Variants in GFI1B observed in about 807,000 individuals in gnomAD.
GFI1B encodes the protein zinc finger protein Gfi-1b.
In GFI1B, 20 loss-of-function variants were observed where a neutral mutation model predicts 35.3. The observed-to-expected ratio is 0.57, with a 90% CI of 0.40 to 0.82. The LOEUF is 0.82. Among genes scored for constraint, GFI1B ranks in the 40% least tolerant of loss-of-function variants. The pLI, the probability that GFI1B is intolerant of heterozygous loss-of-function variation, is 0.00. For synonymous variants in GFI1B, 178 were observed against 177.6 expected (o/e 1.00, Z -0.02); for missense variants, 430 against 446.3 (o/e 0.96, Z 0.33).
rs111534936 is a variant in GFI1B at position 132,981,776 on chromosome 9, A to G, written c.-21+2935A>G. Among the ~76,000 whole-genome samples, 1,463 of 150,964 alleles carry G rather than the reference A, an allele frequency of 9.7e-3. 26 individuals carry two copies. Among genetic ancestry groups the G allele is most frequent in the African/African-American group, 0.033 (1,338 of 41,042 alleles). On this transcript the variant is annotated intron_variant, in intron 1 of 6. Coordinates refer to ENST00000372122, the MANE Select transcript of GFI1B (RefSeq NM_001377304.1). Reference sequence around the variant, plus strand: ...CCCTTGAATCTTTTTTTTTTTTGACAGAGTCTCGCTGTGTCACCCAGGCTG... The same window carrying G: ...CCCTTGAATCTTTTTTTTTTTTGACGGAGTCTCGCTGTGTCACCCAGGCTG...
At position 132,979,458 on chromosome 9, in the gene GFI1B, C is replaced by T. The variant is rs1044015126; in HGVS notation, c.-21+617C>T. Reference sequence around the variant, plus strand: ...TTCACCATGTTGGCCAGGCTGGTCTCGAACTCTTGACCTCAAACGATCCAC... The same window carrying T: ...TTCACCATGTTGGCCAGGCTGGTCTTGAACTCTTGACCTCAAACGATCCAC... On this transcript the variant is annotated intron_variant, in intron 1 of 6. Transcript: ENST00000372122. 3.3e-5 allele frequency among the ~76,000 whole-genome samples: 5 copies of T among 152,146 alleles called. No homozygotes were observed. In the South Asian group the frequency reaches 8.3e-4, roughly 25 times the overall value.
downstream of GFI1B, among the ~76,000 whole-genome samples, chr9:132,992,282 CCATCT>C (rs1315329697): frequency 6.6e-6 from 1 of 152,132 alleles, no homozygotes; most frequent in Non-Finnish European, 1.5e-5. Flanking sequence ...ATAAATCATC[CCATCT>C]CAAGATCCTG....
At chr9:132,968,096 T>C (rs2132605725) in intron 1 of GFI1B, among the ~76,000 whole-genome samples, 1 of 148,636 alleles carries the variant, frequency 6.7e-6, no homozygotes, top group South Asian at 2.2e-4. Context: ...TTTTATTTAT[T>C]TATTTATTTA....
intron 1 of GFI1B, among the ~76,000 whole-genome samples, chr9:132,968,769 G>A (rs1244597149): frequency 6.6e-6 from 1 of 152,156 alleles, no homozygotes; most frequent in Admixed American, 6.5e-5. Context: ...CAGAGGCATG[G>A]AGGTTTTGTG....
intron 1 of GFI1B, among the ~76,000 whole-genome samples, chr9:132,960,419 T>C (rs555359630): frequency 6.6e-6 from 1 of 152,164 alleles, no homozygotes; most frequent in Non-Finnish European, 1.5e-5. Flanking sequence ...TGGAAGTTTG[T>C]GAGTTCAGGA....
At chr9:132,971,341 A>C (rs1265435254) in intron 1 of GFI1B, among the ~76,000 whole-genome samples, 1 of 151,818 alleles carries the variant, frequency 6.6e-6, no homozygotes, top group Non-Finnish European at 1.5e-5. Flanking sequence ...TGTCCCCCCC[A>C]CACTCCTTCC....
chr9:132,982,463 C>T (rs1301487006), intron 1 of GFI1B, among the ~76,000 whole-genome samples: 1 of 152,184 alleles, frequency 6.6e-6, no homozygotes, highest in Non-Finnish European at 1.5e-5. Context: ...TCAAGAAGCA[C>T]TGACTGAGAT....
At chr9:132,987,224 C>T in intron 2 of GFI1B, 58 bp from the exon 3 acceptor site, 1 of 1,579,152 alleles carries the variant, frequency 6.3e-7, no homozygotes, top group East Asian at 2.3e-5. Context: ...CCTCCTTGCT[C>T]CCTCTGGGCT....
Position 132,962,066 on chromosome 9 carries a change from C to CTA in GFI1B, c.-700-10658_-700-10657dup, listed in dbSNP as rs1848373677. Among the ~76,000 whole-genome samples, 3 of 48,006 alleles carry CTA rather than the reference C, an allele frequency of 6.2e-5. No homozygotes were observed. The South Asian group carries it at 1.8e-3, about 29-fold the overall frequency. The allele number at this position is 48,006 out of a possible 152,430, so 31.5% of individuals were successfully genotyped here. The stretch of plus-strand genomic sequence containing the variant: ...TGCATCTTCCCTACACACCTACACT[C>CTA]TACACACACACACACACACACACAC... On this transcript the variant is annotated intron_variant, in intron 1 of 10. Transcript: ENST00000339463.
At chr9:132,973,139 G>A (rs758694041) in intron 2 of GFI1B, among the ~76,000 whole-genome samples, 2 of 152,250 alleles carry the variant, frequency 1.3e-5, no homozygotes, top group Non-Finnish European at 2.9e-5. Flanking sequence ...CCCATTCCCA[G>A]GACTGTTGGG....
intron 3 of GFI1B, 24 bp from the exon 4 acceptor site, chr9:132,988,173 A>C: frequency 3.7e-6 from 6 of 1,611,404 alleles, no homozygotes; most frequent in Non-Finnish European, 5.1e-6. Flanking sequence ...ATGAGTAACC[A>C]GGCCTGTGTC....
intron 1 of GFI1B, among the ~76,000 whole-genome samples, chr9:132,965,424 G>A (rs1362544365): frequency 2.0e-5 from 3 of 152,256 alleles, no homozygotes; most frequent in Non-Finnish European, 4.4e-5. Context: ...ACCGTAGTGG[G>A]TTGAATAGTG....
chr9:132,989,160 G>A lies in GFI1B; in HGVS notation c.610G>A (p.Ala204Thr), dbSNP rs62638686. Residue 204 changes from alanine to threonine, a missense_variant, in exon 5 of 7, where the codon GCT (alanine) becomes ACT (threonine). Transcript: ENST00000372122. This position sits in a 1 kb window ranked among gnomAD's most constrained non-coding sequence, Gnocchi z 6.2. The stretch of plus-strand genomic sequence containing the variant: ...CATCTGCGGCAAAACCTTCGGCCAC[G>A]CTGTGAGCCTGGAGCAGCACACGCA... ...CDICGKTFGH[A>T]VSLEQHTHVH... 4,246 of 1,613,816 alleles carry A rather than the reference G, an allele frequency of 2.6e-3. 122 individuals are homozygous for A. The African/African-American group carries it at 0.05, about 19-fold the overall frequency.
chr9:132,963,426 G>A (rs1031089277), intron 1 of GFI1B, among the ~76,000 whole-genome samples: 4 of 152,156 alleles, frequency 2.6e-5, no homozygotes, highest in Non-Finnish European at 5.9e-5. Flanking sequence ...GTTGCAGTGA[G>A]CTAAAATCAC....
chr9:132,957,821 G>C (rs1848303990), intron 1 of GFI1B, among the ~76,000 whole-genome samples: 2 of 152,174 alleles, frequency 1.3e-5, no homozygotes. Context: ...TAGCATGGCT[G>C]TAACCAAGCA....
chr9:132,993,180 G>C (rs1588446215), downstream of GFI1B, among the ~76,000 whole-genome samples: 1 of 152,166 alleles, frequency 6.6e-6, no homozygotes, highest in African/African-American at 2.4e-5. Flanking sequence ...TGTAAACCCA[G>C]CTACTTGGGA....
chr9:132,990,767 C>T lies in GFI1B; in HGVS notation c.815-105C>T, dbSNP rs8193004. On this transcript the variant is annotated intron_variant, in intron 6 of 6. Coordinates refer to ENST00000372122, the MANE Select transcript of GFI1B (RefSeq NM_001377304.1). ...TGTGAGTTGGCCATGAGAGAAAACA[C>T]AGGAAGGTATTGGAAAATGAACCCG... 507,738 of 932,094 alleles carry T rather than the reference C, an allele frequency of 0.54. 144,283 individuals are homozygous for T. Among genetic ancestry groups the T allele is most frequent in the Admixed American group, 0.63 (32,228 of 51,006 alleles). The allele number at this position is 932,094 out of a possible 1,614,324, so 57.7% of individuals were successfully genotyped here.
intron 1 of GFI1B, among the ~76,000 whole-genome samples, chr9:132,957,560 C>T (rs1848300131): frequency 6.6e-6 from 1 of 152,120 alleles, no homozygotes; most frequent in African/African-American, 2.4e-5. Context: ...GACTCAAGAA[C>T]CTTATGAAGA....
Position 132,988,218 on chromosome 9 carries a change from G to C in GFI1B, c.260G>C (p.Arg87Pro), listed in dbSNP as rs200908551. Reference sequence around the variant, plus strand: ...ACAGAGGGCCCCATTGTGCTGTCCCGACCCCAGGATGGGGACTCTCCACTG... The same window carrying C: ...ACAGAGGGCCCCATTGTGCTGTCCCCACCCCAGGATGGGGACTCTCCACTG... ...PAPEGPIVLS[R>P]PQDGDSPLSD... Residue 87 changes from arginine to proline, a missense_variant, in exon 4 of 7, where the codon CGA becomes CCA. Transcript: ENST00000372122. The C allele has an allele frequency of 1.9e-6, 3 of 1,613,926 alleles. No individual in the cohort carries two copies. Among genetic ancestry groups the C allele is most frequent in the East Asian group, 4.5e-5 (2 of 44,882 alleles).
Sources: gnomAD v4.1 joint callset for allele counts (sites outside exome capture counted in the v4.1 genomes callset) on GRCh38, gnomAD v4.1.1 for gene constraint, Gnocchi (gnomAD v3.1) non-coding constraint, MANE v1.5 for transcripts, NCBI Gene and HGNC (gene_info 2026-07-23, HGNC 2026-07-21) for gene names.